Variants in ABCC8 observed in about 807,000 individuals in gnomAD.
ABCC8 encodes the protein ATP binding cassette subfamily C member 8.
A neutral mutation model predicts 188.0 loss-of-function variants in ABCC8; 137 were observed. The ratio of observed to expected loss-of-function variants is 0.73; its 90% CI spans 0.63 to 0.84. The LOEUF (loss-of-function observed/expected upper bound fraction) is 0.84, where lower values mean the gene tolerates loss of function less well. Among genes scored for constraint, ABCC8 ranks in the 40% least tolerant of loss-of-function variants. The probability of loss-of-function intolerance (pLI) is 0.00; values close to 1 mark genes in which losing one functional copy is unlikely to be tolerated. For synonymous variants in ABCC8, 797 were observed against 846.5 expected, an observed-to-expected ratio of 0.94 and a Z score of 1.01; for missense variants, 1,750 against 2,072.7, an observed-to-expected ratio of 0.84 and a Z score of 3.02.
At chr11:17,436,300 CA>C (rs1185530094) in intron 10 of ABCC8, 12 of 383,682 alleles carry the variant, frequency 3.1e-5, no homozygotes, top group Non-Finnish European at 5.9e-5. Flanking sequence ...GGGGTTGTTA[CA>C]GGCTCTGGCA....
chr11:17,451,309 C>T (rs1194016293), intron 7 of ABCC8, among the ~76,000 whole-genome samples: 1 of 152,174 alleles, frequency 6.6e-6, no homozygotes, highest in Non-Finnish European at 1.5e-5. Context: ...CTTGGTTCCT[C>T]CCAGCTCTGG....
chr11:17,423,951 C>G (rs1955467565), intron 16 of ABCC8, among the ~76,000 whole-genome samples: 1 of 152,214 alleles, frequency 6.6e-6, no homozygotes, highest in African/African-American at 2.4e-5. Context: ...CCTCAGTTTC[C>G]TAATCTGATA....
chr11:17,443,510 C>T (rs540535940), intron 8 of ABCC8, 198 bp from the exon 9 acceptor site: 2 of 734,954 alleles, frequency 2.7e-6, no homozygotes, highest in Admixed American at 4.8e-5. Flanking sequence ...ATAATGGGCT[C>T]TCATGCAAGC....
chr11:17,393,911 G>A (rs151306647), intron 37 of ABCC8, 152 bp from the exon 38 acceptor site: 26 of 1,504,712 alleles, frequency 1.7e-5, no homozygotes, highest in African/African-American at 1.1e-4. Flanking sequence ...ACAGGTTCCC[G>A]GCACTCAGGG....
chr11:17,403,803 A>C (rs1400266055), intron 28 of ABCC8, among the ~76,000 whole-genome samples: 1 of 152,164 alleles, frequency 6.6e-6, no homozygotes, highest in African/African-American at 2.4e-5. Flanking sequence ...ATTTTTAAAA[A>C]AATGCTGGTT....
chr11:17,470,657 C>T (rs1171564463), intron 2 of ABCC8, among the ~76,000 whole-genome samples: 1 of 152,224 alleles, frequency 6.6e-6, no homozygotes, highest in South Asian at 2.1e-4. Context: ...ATATGTTAAC[C>T]CATTTAATCT....
In ABCC8 at chr11:17,468,382, T is replaced by G. The variant is rs571694795; in HGVS notation, c.412+1719A>C. ...GTGTGAACAAAGTCTAACTGCCAGA[T>G]GTACAGCCCCAGCCTTAGACACACA... On this transcript the variant is annotated intron_variant, in intron 3 of 38. Coordinates refer to ENST00000389817, the MANE Select transcript of ABCC8 (RefSeq NM_000352.6). 1.2e-3 allele frequency among the ~76,000 whole-genome samples: 184 copies of G among 152,316 alleles called. 2 individuals carry two copies. Among genetic ancestry groups the G allele is most frequent in the African/African-American group, 4.3e-3 (180 of 41,568 alleles).
chr11:17,457,765 C>T (rs149743095), intron 6 of ABCC8, among the ~76,000 whole-genome samples: 9 of 152,284 alleles, frequency 5.9e-5, no homozygotes, highest in African/African-American at 1.4e-4. Flanking sequence ...TTCGTCCTTG[C>T]GGATACCAAG....
chr11:17,430,731 G>T, intron 12 of ABCC8, 83 bp downstream of exon 12: 2 of 1,470,544 alleles, frequency 1.4e-6, no homozygotes, highest in Non-Finnish European at 1.9e-6. Flanking sequence ...CCAAACAGCT[G>T]TGGTTTGGCC....
At chr11:17,441,810 A>T (rs768501805) in intron 10 of ABCC8, among the ~76,000 whole-genome samples, 12 of 152,216 alleles carry the variant, frequency 7.9e-5, no homozygotes, top group Non-Finnish European at 1.3e-4. Flanking sequence ...GGCTGGGCAC[A>T]GTGGCTCATG....
chr11:17,431,053 C>A, intron 11 of ABCC8, 94 bp from the exon 12 acceptor site: 1 of 1,555,926 alleles, frequency 6.4e-7, no homozygotes, highest in East Asian at 2.4e-5. Context: ...AATGAGAGGG[C>A]TGTCAGGGAG....
chr11:17,423,316 C>G (rs186462006), intron 16 of ABCC8, among the ~76,000 whole-genome samples: 1 of 139,230 alleles, frequency 7.2e-6, no homozygotes, highest in Admixed American at 7.7e-5. Context: ...GAGATCGCAC[C>G]ACTGCACTCC....
chr11:17,435,625 G>C, intron 10 of ABCC8: 1 of 1,399,068 alleles, frequency 7.1e-7, no homozygotes, highest in Non-Finnish European at 1.0e-6. Flanking sequence ...AGAAAGATGG[G>C]TGAATGTAAT....
intron 12 of ABCC8, 77 bp from the exon 13 acceptor site, chr11:17,428,747 A>G: frequency 6.3e-7 from 1 of 1,586,776 alleles, no homozygotes. Context: ...CCTGATAGAG[A>G]GCTCTGAGCA....
chr11:17,397,604 G>A, intron 31 of ABCC8, 80 bp downstream of exon 31: 1 of 1,525,668 alleles, frequency 6.6e-7, no homozygotes, highest in South Asian at 1.2e-5. Context: ...GCCTGGGAGT[G>A]TCTCATGTCT....
rs749353120 is a variant in ABCC8 at position 17,393,059 on chromosome 11, C to T, written c.4678G>A (p.Asp1560Asn). 1.9e-6 allele frequency: 3 copies of T among 1,614,130 alleles called. No individual in the cohort carries two copies. Among genetic ancestry groups the T allele is most frequent in the East Asian group, 2.2e-5 (1 of 44,874 alleles). ...CGGCTGAGCAGCTTCTCTGGCTTAT[C>T]GAACTCAAGGATGGCACCCCGCTTC... Reference protein sequence around the residue: ...VLKRGAILEFDKPEKLLSRKD... With the variant: ...VLKRGAILEFNKPEKLLSRKD... Residue 1560 changes from aspartate (D) to asparagine (N), a missense_variant, in exon 39 of 39, where the codon GAT becomes AAT. Transcript: ENST00000389817.
chr11:17,397,689 G>A lies in ABCC8; in HGVS notation c.3862C>T (p.Leu1288=), dbSNP rs1045246716. Residue 1288 remains leucine (L), a synonymous_variant, in exon 31 of 39, where the codon CTA becomes TTA. Coordinates refer to ENST00000389817, the MANE Select transcript of ABCC8 (RefSeq NM_000352.6). ...GLVGLGLTYA[L]MVSNYLNWMV... is the part of the protein sequence containing the mutation. ...CCTAGCCCACTGCCGCTCACCATTA[G>A]GGCGTAGGTAAGGCCCAGGCCCACC... 1 of 1,612,396 alleles carries A rather than the reference G, an allele frequency of 6.2e-7. No individual in the cohort carries two copies. Among genetic ancestry groups the A allele is most frequent in the Non-Finnish European group, 8.5e-7 (1 of 1,179,982 alleles).
At chr11:17,424,768 G>C (rs1955508564) in intron 16 of ABCC8, among the ~76,000 whole-genome samples, 2 of 152,218 alleles carry the variant, frequency 1.3e-5, no homozygotes, top group African/African-American at 4.8e-5. Context: ...CTTAGGACTA[G>C]GCCCTGGGGG....
intron 38 of ABCC8, 95 bp downstream of exon 38, chr11:17,393,602 A>T (rs1223404107): frequency 2.8e-5 from 44 of 1,575,492 alleles, no homozygotes; most frequent in Non-Finnish European, 3.7e-5. Context: ...GATTACTGGG[A>T]CCAGGCAAGC....
Sources: gnomAD v4.1 joint callset for allele counts (sites outside exome capture counted in the v4.1 genomes callset) on GRCh38, gnomAD v4.1.1 for gene constraint, MANE v1.5 for transcripts, NCBI Gene and HGNC (gene_info 2026-07-23, HGNC 2026-07-21) for gene names.